Variants in CASK observed in about 807,000 individuals in gnomAD.
CASK encodes calcium/calmodulin dependent serine protein kinase, also known as peripheral plasma membrane protein CASK.
In CASK, 4 loss-of-function variants were observed where a neutral mutation model predicts 82.9. That is an observed-to-expected ratio of 0.05 (90% CI 0.02 to 0.11). The LOEUF is 0.11. Among genes scored for constraint, CASK ranks in the 10% least tolerant of loss-of-function variants. CASK has a pLI of 1.00. For missense variants in CASK, 358 were observed against 720.9 expected, an observed-to-expected ratio of 0.50 and a Z score of 5.76; for synonymous variants, 259 against 253.5, an observed-to-expected ratio of 1.02 and a Z score of -0.20.
chrX:41,683,616 A>G (rs1484953897), intron 5 of CASK, among the ~76,000 whole-genome samples: 1 of 112,037 alleles, frequency 8.9e-6, no homozygotes, highest in African/African-American at 3.2e-5. Context: ...CATATAACAC[A>G]AAATATGTGT....
At chrX:41,565,757 C>G (rs2065304259) in intron 16 of CASK, among the ~76,000 whole-genome samples, 1 of 111,546 alleles carries the variant, frequency 9.0e-6, no homozygotes, top group Non-Finnish European at 1.9e-5. Flanking sequence ...CATCCTGATA[C>G]CAAAGCCTGG....
chrX:41,656,725 G>C (rs2066946511), intron 8 of CASK, among the ~76,000 whole-genome samples: 2 of 110,861 alleles, frequency 1.8e-5, no homozygotes, highest in South Asian at 7.9e-4. Flanking sequence ...GATTGATCTG[G>C]GGAAGGGGGG....
intron 8 of CASK, among the ~76,000 whole-genome samples, chrX:41,639,093 G>C (rs867759170): frequency 2.4e-5 from 1 of 40,998 alleles, no homozygotes; most frequent in Admixed American, 3.2e-4. Context: ...TTTTTTTTTT[G>C]AGATGGAGTC....
At chrX:41,746,345 T>C (rs1292523170) in intron 3 of CASK, among the ~76,000 whole-genome samples, 1 of 111,435 alleles carries the variant, frequency 9.0e-6, no homozygotes, top group Non-Finnish European at 1.9e-5. Flanking sequence ...CTTTTGTATA[T>C]ATTGCTTTTC....
chrX:41,671,385 T>A, intron 6 of CASK, 43 bp downstream of exon 6: 1 of 813,128 alleles, frequency 1.2e-6, no homozygotes, highest in African/African-American at 2.0e-5. Context: ...CAGTCGCAAG[T>A]GACCAGGTTT....
At position 41,565,324 on chromosome X, in the gene CASK, T is replaced by C. The variant is rs191917848; in HGVS notation, c.1583-3680A>G. Reference sequence around the variant, plus strand: ...GGTTTTTCTGAAAAGACCAAAAAAATTGATAGACCGCTAGCAAGACTAATA... The same window carrying C: ...GGTTTTTCTGAAAAGACCAAAAAAACTGATAGACCGCTAGCAAGACTAATA... On this transcript the variant is annotated intron_variant, in intron 16 of 26. Transcript: ENST00000378163. Among the ~76,000 whole-genome samples the C allele has an allele frequency of 4.6e-3, 511 of 110,901 alleles. 4 individuals are homozygous for C. Among genetic ancestry groups the C allele is most frequent in the African/African-American group, 0.016 (483 of 30,532 alleles).
intron 15 of CASK, among the ~76,000 whole-genome samples, chrX:41,572,779 C>T (rs903723222): frequency 9.0e-6 from 1 of 111,571 alleles, no homozygotes; most frequent in African/African-American, 3.3e-5. Context: ...CTCTTTATTC[C>T]CTTTTTGTAG....
At position 41,903,818 on chromosome X, in the gene CASK, C is replaced by T. The variant is rs186443258; in HGVS notation, c.59+19112G>A. On this transcript the variant is annotated intron_variant, in intron 1 of 26. Coordinates refer to ENST00000378163, the MANE Select transcript of CASK (RefSeq NM_001367721.1). The stretch of plus-strand genomic sequence containing the variant: ...TGCAGTCACTAGCCACATGTAGCTA[C>T]TGAGCAACTGAAATGTGGCTAAAGT... Among the ~76,000 whole-genome samples the T allele has an allele frequency of 3.6e-5, 4 of 111,971 alleles. No homozygotes were observed. In the East Asian group the frequency reaches 8.4e-4, roughly 23 times the overall value.
At chrX:41,554,647 C>T (rs1410802264) in intron 20 of CASK, among the ~76,000 whole-genome samples, 1 of 111,615 alleles carries the variant, frequency 9.0e-6, no homozygotes, top group African/African-American at 3.3e-5. Flanking sequence ...TGTGAGTTTA[C>T]TTAGGAAATA....
At chrX:41,764,781 C>A (rs1023582290) in intron 3 of CASK, among the ~76,000 whole-genome samples, 1 of 111,660 alleles carries the variant, frequency 9.0e-6, no homozygotes, top group African/African-American at 3.3e-5. Flanking sequence ...TGTGTTCCTT[C>A]CTATACTATA....
At chrX:41,680,124 C>T (rs1190173265) in intron 5 of CASK, among the ~76,000 whole-genome samples, 1 of 108,742 alleles carries the variant, frequency 9.2e-6, no homozygotes, top group Non-Finnish European at 1.9e-5. Flanking sequence ...CACTTGAACC[C>T]AGTGAGCTGA....
At chrX:41,614,710 G>T (rs1196564512) in intron 11 of CASK, among the ~76,000 whole-genome samples, 1 of 111,391 alleles carries the variant, frequency 9.0e-6, no homozygotes, top group Non-Finnish European at 1.9e-5. Context: ...TAGTAGAGAC[G>T]GGGTTTCACC....
At chrX:41,730,399 T>C (rs1251926107) in intron 5 of CASK, among the ~76,000 whole-genome samples, 1 of 110,644 alleles carries the variant, frequency 9.0e-6, no homozygotes, top group Non-Finnish European at 1.9e-5. Context: ...ACCCAGTAAA[T>C]TTTTTTTTCC....
In CASK at chrX:41,899,293, T is replaced by G. The variant is rs769771527; in HGVS notation, c.59+23637A>C. On this transcript the variant is annotated intron_variant, in intron 1 of 26. Transcript: ENST00000378163. ...ATCTTTTTCCACTTCACTTCCAGCC[T>G]ATGTGTGTCCTTAAAACTAAAGTGA... Among the ~76,000 whole-genome samples the G allele has an allele frequency of 2.7e-5, 3 of 111,820 alleles. No homozygotes were observed. The South Asian group carries it at 1.1e-3, about 41-fold the overall frequency.
chrX:41,749,650 G>T (rs5918235), intron 3 of CASK, among the ~76,000 whole-genome samples: 44,959 of 108,037 alleles, frequency 0.42, 7,251 homozygotes, highest in East Asian at 0.86. Context: ...GCCTCCCAAA[G>T]TGCTGGGATT....
chrX:41,586,767 C>T (rs928405415), intron 14 of CASK, 140 bp downstream of exon 14: 12 of 467,248 alleles, frequency 2.6e-5, no homozygotes, highest in Non-Finnish European at 4.5e-5. Flanking sequence ...TTTGGTATTA[C>T]CTGGTATTGT....
At chrX:41,789,775 C>T (rs2069680223) in intron 2 of CASK, among the ~76,000 whole-genome samples, 2 of 111,496 alleles carry the variant, frequency 1.8e-5, no homozygotes, top group South Asian at 7.6e-4. Context: ...TTTCTCTTTC[C>T]ATTCCTCTCT....
chrX:41,895,374 T>C (rs967794580), intron 1 of CASK, among the ~76,000 whole-genome samples: 3 of 111,785 alleles, frequency 2.7e-5, no homozygotes, highest in African/African-American at 9.8e-5. Context: ...GGTATGTTCA[T>C]TTATTTAATA....
At chrX:41,802,645 A>T (rs752824255) in intron 2 of CASK, among the ~76,000 whole-genome samples, 3 of 112,118 alleles carry the variant, frequency 2.7e-5, no homozygotes, top group Non-Finnish European at 3.8e-5. Flanking sequence ...GAATATCATT[A>T]AAGCTTTGGG....
Sources: gnomAD v4.1 joint callset for allele counts (sites outside exome capture counted in the v4.1 genomes callset) on GRCh38, gnomAD v4.1.1 for gene constraint, MANE v1.5 for transcripts, NCBI Gene and HGNC (gene_info 2026-07-23, HGNC 2026-07-21) for gene names.